Variants in SAMD12 observed in about 807,000 individuals in gnomAD.
SAMD12 encodes sterile alpha motif domain-containing protein 12.
SAMD12 carries 9 observed loss-of-function variants against 15.0 expected under a neutral mutation model. That is an observed-to-expected ratio of 0.60 (90% CI 0.36 to 1.05). The LOEUF (loss-of-function observed/expected upper bound fraction) is 1.05. SAMD12 is among the 50% of genes least tolerant of loss of function. The pLI, the probability that SAMD12 is intolerant of heterozygous loss-of-function variation, is 0.01. For synonymous variants in SAMD12, 86 were observed against 90.1 expected, an observed-to-expected ratio of 0.96 and a Z score of 0.25; for missense variants, 230 against 234.2, an observed-to-expected ratio of 0.98 and a Z score of 0.12.
chr8:118,378,330 T>G lies in SAMD12; in HGVS notation c.*1087A>C, dbSNP rs1429452374. The G allele has an allele frequency of 2.3e-6, 2 of 887,898 alleles. No homozygotes were observed. Among genetic ancestry groups the G allele is most frequent in the South Asian group, 1.0e-4 (2 of 19,258 alleles). 55.0% of individuals were successfully genotyped at this position (887,898 alleles called of 1,614,324 possible). On this transcript the variant is annotated 3_prime_UTR_variant, in exon 4 of 4. Transcript: ENST00000314727. ...GACTTTCTTATCATAATCTTCGTAT[T>G]TCTATCTACTTCTTAAAAGAAGCTT... is the stretch of plus-strand genomic sequence containing the variant.
chr8:118,532,333 GTT>G (rs1369571713), intron 2 of SAMD12, among the ~76,000 whole-genome samples: 1 of 152,162 alleles, frequency 6.6e-6, no homozygotes, highest in Non-Finnish European at 1.5e-5. Flanking sequence ...CCTGGATTCT[GTT>G]TGACAGTATT....
At chr8:118,342,009 G>C (rs1000835354) in intron 4 of SAMD12, among the ~76,000 whole-genome samples, 5 of 152,194 alleles carry the variant, frequency 3.3e-5, no homozygotes, top group Non-Finnish European at 7.3e-5. Context: ...GTTTTAAGAG[G>C]CCTGGTGTGG....
intron 3 of SAMD12, among the ~76,000 whole-genome samples, chr8:118,392,400 C>A (rs1304104646): frequency 6.6e-6 from 1 of 152,212 alleles, no homozygotes; most frequent in African/African-American, 2.4e-5. Flanking sequence ...CACTGCACTC[C>A]AGCCTGGCGA....
chr8:118,422,623 G>A (rs1822049939), intron 3 of SAMD12, among the ~76,000 whole-genome samples: 1 of 152,156 alleles, frequency 6.6e-6, no homozygotes, highest in Admixed American at 6.5e-5. Context: ...TATTCAGTAG[G>A]CATTAATTCT....
intron 2 of SAMD12, among the ~76,000 whole-genome samples, chr8:118,549,871 C>T (rs2131176110): frequency 6.6e-6 from 1 of 152,012 alleles, no homozygotes; most frequent in Middle Eastern, 3.4e-3. Context: ...TCCAGAACTA[C>T]ATGAAGAATG....
the SAMD12 span, among the ~76,000 whole-genome samples, chr8:118,147,825 C>T: frequency 4.2e-3 from 642 of 152,256 alleles, 5 homozygotes; most frequent in African/African-American, 0.015. Flanking sequence ...AATAAGCTCA[C>T]TGTAACCTCA....
At chr8:118,251,092 G>C (rs1812809475) in intron 4 of SAMD12, among the ~76,000 whole-genome samples, 1 of 152,138 alleles carries the variant, frequency 6.6e-6, no homozygotes, top group African/African-American at 2.4e-5. Flanking sequence ...TCCGATAGCT[G>C]TGGTCATAGG....
chr8:118,228,354 A>G (rs1812230163), intron 4 of SAMD12, among the ~76,000 whole-genome samples: 1 of 152,236 alleles, frequency 6.6e-6, no homozygotes, highest in Admixed American at 6.5e-5. Context: ...AAACCCACAG[A>G]GTAGGAGAAG....
At chr8:118,285,963 T>C (rs1157668297) in intron 4 of SAMD12, among the ~76,000 whole-genome samples, 1 of 152,046 alleles carries the variant, frequency 6.6e-6, no homozygotes, top group Non-Finnish European at 1.5e-5. Flanking sequence ...GTGGCACATA[T>C]ACACCATGGA....
intron 2 of SAMD12, among the ~76,000 whole-genome samples, chr8:118,449,582 C>T (rs961810479): frequency 1.3e-5 from 2 of 151,592 alleles, no homozygotes; most frequent in East Asian, 2.0e-4. Flanking sequence ...AAGGCCGAGG[C>T]AGGCACATCA....
At chr8:118,532,043 A>T (rs1187968586) in intron 2 of SAMD12, among the ~76,000 whole-genome samples, 3 of 152,218 alleles carry the variant, frequency 2.0e-5, no homozygotes, top group Admixed American at 2.0e-4. Flanking sequence ...TTGCCCATTC[A>T]GTATGATATT....
At chr8:118,475,486 C>A (rs902938005) in intron 2 of SAMD12, among the ~76,000 whole-genome samples, 2 of 152,252 alleles carry the variant, frequency 1.3e-5, no homozygotes, top group Admixed American at 6.5e-5. Flanking sequence ...TATAGCAATG[C>A]AAACAGACTA....
At chr8:118,555,302 C>T (rs1267574427) in intron 2 of SAMD12, among the ~76,000 whole-genome samples, 5 of 152,122 alleles carry the variant, frequency 3.3e-5, no homozygotes, top group Non-Finnish European at 4.4e-5. Flanking sequence ...TTCTTTAAAT[C>T]GCTAATAAAA....
chr8:118,606,811 G>A (rs1827997996), intron 1 of SAMD12, among the ~76,000 whole-genome samples: 1 of 152,162 alleles, frequency 6.6e-6, no homozygotes, highest in South Asian at 2.1e-4. Flanking sequence ...ATAGGAGAAG[G>A]AAATGGAGAT....
intron 4 of SAMD12, among the ~76,000 whole-genome samples, chr8:118,286,711 C>T (rs1354631783): frequency 6.6e-6 from 1 of 152,236 alleles, no homozygotes; most frequent in African/African-American, 2.4e-5. Flanking sequence ...TAGCTGGATT[C>T]GTGTCTCTCC....
At chr8:118,531,553 A>C (rs6469753) in intron 2 of SAMD12, among the ~76,000 whole-genome samples, 42 of 151,910 alleles carry the variant, frequency 2.8e-4, no homozygotes, top group African/African-American at 7.3e-4. Flanking sequence ...ATTCTTCCTA[A>C]CCATGAGCAT....
intron 1 of SAMD12, among the ~76,000 whole-genome samples, chr8:118,614,751 G>C (rs190619080): frequency 6.6e-6 from 1 of 152,322 alleles, no homozygotes; most frequent in African/African-American, 2.4e-5. Flanking sequence ...GTGGGCCACC[G>C]CTGTCACCCA....
At chr8:118,489,185 G>A (rs968210140) in intron 2 of SAMD12, among the ~76,000 whole-genome samples, 3 of 152,054 alleles carry the variant, frequency 2.0e-5, no homozygotes, top group Non-Finnish European at 4.4e-5. Context: ...TTCTTAATTG[G>A]GGGGTTTGTC....
chr8:118,511,044 T>C (rs990538120), intron 2 of SAMD12, among the ~76,000 whole-genome samples: 1 of 152,202 alleles, frequency 6.6e-6, no homozygotes, highest in Admixed American at 6.5e-5. Context: ...ACAAAGAACC[T>C]CCTGGAATTC....
Sources: allele counts gnomAD v4.1 joint callset (sites outside exome capture counted in the v4.1 genomes callset), GRCh38; gene constraint gnomAD v4.1.1; transcripts MANE v1.5; gene names NCBI Gene and HGNC (gene_info 2026-07-23, HGNC 2026-07-21).